Variants in RBM47 observed in about 807,000 individuals in gnomAD.
RBM47 encodes RNA binding motif protein 47.
A neutral mutation model predicts 47.1 loss-of-function variants in RBM47; 21 were observed. The ratio of observed to expected loss-of-function variants is 0.45; its 90% CI spans 0.32 to 0.64. The LOEUF (loss-of-function observed/expected upper bound fraction) is 0.64, where lower values mean the gene tolerates loss of function less well. Among genes scored for constraint, RBM47 ranks in the 30% least tolerant of loss-of-function variants. RBM47 has a pLI of 0.05. For synonymous variants in RBM47, 375 were observed against 361.7 expected, an observed-to-expected ratio of 1.04 and a Z score of -0.42; for missense variants, 708 against 870.9, an observed-to-expected ratio of 0.81 and a Z score of 2.35.
In RBM47 at chr4:40,437,119, T is replaced by TATTAC. The variant is rs1560357409; in HGVS notation, c.1124-473_1124-472insGTAAT. On this transcript the variant is annotated intron_variant, in intron 4 of 6. Coordinates refer to ENST00000295971, the MANE Select transcript of RBM47 (RefSeq NM_001098634.2). The stretch of plus-strand genomic sequence containing the variant: ...TATATATATATATATATAAAATACA[T>TATTAC]ATATATATATATAAAATACATATAT... 8.0e-4 allele frequency among the ~76,000 whole-genome samples: 58 copies of TATTAC among 72,694 alleles called. 1 individual carries two copies. Among genetic ancestry groups the TATTAC allele is most frequent in the African/African-American group, 5.1e-3 (57 of 11,096 alleles). The allele number at this position is 72,694 out of a possible 152,430, so 47.7% of individuals were successfully genotyped here.
intron 1 of RBM47, among the ~76,000 whole-genome samples, chr4:40,551,852 T>C (rs141841679): frequency 7.6e-4 from 116 of 152,078 alleles, no homozygotes; most frequent in Admixed American, 1.2e-3. Flanking sequence ...TTTCACTATG[T>C]TGGCCAGGCT....
intron 1 of RBM47, among the ~76,000 whole-genome samples, chr4:40,622,837 G>C (rs753265140): frequency 9.2e-5 from 14 of 152,158 alleles, no homozygotes; most frequent in Non-Finnish European, 2.1e-4. Context: ...AGCTGAGATC[G>C]TGCCACTGCA....
chr4:40,625,639 A>T (rs1737672626), intron 1 of RBM47, among the ~76,000 whole-genome samples: 1 of 152,148 alleles, frequency 6.6e-6, no homozygotes, highest in Admixed American at 6.5e-5. Context: ...CAATTCATTG[A>T]AGCAAGGCAC....
rs1340584712 is a variant in RBM47, at chr4:40,629,497, T to C, written c.-341A>G. On this transcript the variant is annotated 5_prime_UTR_variant, in exon 1 of 7. Coordinates refer to ENST00000295971, the MANE Select transcript of RBM47 (RefSeq NM_001098634.2). ...CTAGGAAGTCACCTACAACATCTTC[T>C]CGTCCGCCTTCTTTTTAATGTAAAA... 1 of 152,172 alleles carries C rather than the reference T, an allele frequency of 6.6e-6. No individual in the cohort carries two copies. The highest frequency in any genetic ancestry group is 1.5e-5 in the Non-Finnish European group (1 of 68,026). 9.4% of individuals were successfully genotyped at this position (152,172 alleles called of 1,614,324 possible). A position where few individuals can be genotyped will look rare whatever the true frequency, so the allele number is the denominator to read the frequency against.
At chr4:40,597,809 C>T (rs1392020503) in intron 1 of RBM47, among the ~76,000 whole-genome samples, 2 of 152,146 alleles carry the variant, frequency 1.3e-5, no homozygotes, top group African/African-American at 2.4e-5. Flanking sequence ...CATGAAAAGG[C>T]TCTTATTTCA....
At chr4:40,547,420 T>TGAGGGCACTGTGTGAGGGCACA (rs1397683163) in intron 1 of RBM47, among the ~76,000 whole-genome samples, 2 of 152,146 alleles carry the variant, frequency 1.3e-5, no homozygotes, top group Non-Finnish European at 2.9e-5. Context: ...GAGGGCACAG[T>TGAGGGCACTGTGTGAGGGCACA]GAGTGGGCAG....
At chr4:40,498,496 T>C (rs893470587) in intron 2 of RBM47, among the ~76,000 whole-genome samples, 4 of 151,900 alleles carry the variant, frequency 2.6e-5, no homozygotes, top group Non-Finnish European at 5.9e-5. Context: ...CTGGCCAACA[T>C]GGGGAAACCC....
rs146020234 is a variant in RBM47 at position 40,505,868 on chromosome 4, C to G, written c.-155+38554G>C. On this transcript the variant is annotated intron_variant, in intron 2 of 6. Coordinates refer to ENST00000295971, the MANE Select transcript of RBM47 (RefSeq NM_001098634.2). ...GACCACACCACTGCAGCCTGGGTGA[C>G]AGAGCGAGAGTCTGTCTCAAAAAAA... Among the ~76,000 whole-genome samples the G allele has an allele frequency of 2.3e-3, 355 of 151,100 alleles. 1 individual carries two copies. Among genetic ancestry groups the G allele is most frequent in the African/African-American group, 8.0e-3 (330 of 41,074 alleles).
At chr4:40,491,413 T>C (rs530149537) in intron 2 of RBM47, among the ~76,000 whole-genome samples, 65 of 152,198 alleles carry the variant, frequency 4.3e-4, no homozygotes, top group Admixed American at 2.2e-3. Flanking sequence ...TTAGCTCAGG[T>C]AGGCAGCAGC....
chr4:40,523,354 A>G (rs1726387187), intron 2 of RBM47, among the ~76,000 whole-genome samples: 1 of 151,770 alleles, frequency 6.6e-6, no homozygotes, highest in Non-Finnish European at 1.5e-5. Context: ...CAGGAGTTCA[A>G]GATCAGCCAT....
chr4:40,530,787 C>T (rs1727314327), intron 2 of RBM47, among the ~76,000 whole-genome samples: 3 of 152,164 alleles, frequency 2.0e-5, no homozygotes, highest in African/African-American at 7.2e-5. Context: ...TTCCTTTGAA[C>T]ATGGGCAGGC....
chr4:40,464,652 C>G (rs1158935542), intron 3 of RBM47, among the ~76,000 whole-genome samples: 3 of 151,768 alleles, frequency 2.0e-5, no homozygotes, highest in Admixed American at 1.3e-4. Context: ...GTAATACCAG[C>G]ACTTTGGGAG....
In RBM47 at chr4:40,595,471, G is replaced by T. The variant is rs565629752; in HGVS notation, c.-240+33925C>A. Among the ~76,000 whole-genome samples, 289 of 152,158 alleles carry T rather than the reference G, an allele frequency of 1.9e-3. 1 individual carries two copies. Among genetic ancestry groups the T allele is most frequent in the African/African-American group, 6.7e-3 (279 of 41,510 alleles). On this transcript the variant is annotated intron_variant, in intron 1 of 6. Coordinates refer to ENST00000295971, the MANE Select transcript of RBM47 (RefSeq NM_001098634.2). ...ATTGCACCACTGCATTCCAGCCTGG[G>T]CGACAGAGCAAGACTATCTCAAAAA... is the stretch of plus-strand genomic sequence containing the variant.
intron 1 of RBM47, among the ~76,000 whole-genome samples, chr4:40,622,966 G>T (rs948868425): frequency 6.6e-6 from 1 of 152,216 alleles, no homozygotes; most frequent in African/African-American, 2.4e-5. Flanking sequence ...AAGCAGGGGA[G>T]CAGATAAGCA....
At chr4:40,434,039 G>T (rs1711880421) in intron 5 of RBM47, among the ~76,000 whole-genome samples, 1 of 139,740 alleles carries the variant, frequency 7.2e-6, no homozygotes. Flanking sequence ...GTGTGTGTGT[G>T]TTGAAAGGAC....
chr4:40,458,258 G>A (rs2154223366), intron 3 of RBM47, among the ~76,000 whole-genome samples: 1 of 152,320 alleles, frequency 6.6e-6, no homozygotes, highest in South Asian at 2.1e-4. Context: ...CAAAGGCTCT[G>A]AAACAGACTG....
intron 1 of RBM47, among the ~76,000 whole-genome samples, chr4:40,576,832 CAT>C (rs1732384895): frequency 6.6e-6 from 1 of 152,090 alleles, no homozygotes; most frequent in Non-Finnish European, 1.5e-5. Flanking sequence ...TGTGTTATCT[CAT>C]ATAATATTCA....
intron 1 of RBM47, among the ~76,000 whole-genome samples, chr4:40,566,631 C>T (rs746691168): frequency 4.6e-5 from 7 of 151,920 alleles, no homozygotes; most frequent in African/African-American, 7.3e-5. Flanking sequence ...GGCGACAGAG[C>T]GAGACTCCAT....
At chr4:40,516,327 C>T (rs1725577769) in intron 2 of RBM47, among the ~76,000 whole-genome samples, 1 of 146,544 alleles carries the variant, frequency 6.8e-6, no homozygotes, top group African/African-American at 2.5e-5. Flanking sequence ...GTGGCACAAT[C>T]TCGGCTCACT....
Sources: gnomAD v4.1 joint callset for allele counts (sites outside exome capture counted in the v4.1 genomes callset) on GRCh38, gnomAD v4.1.1 for gene constraint, MANE v1.5 for transcripts, NCBI Gene and HGNC (gene_info 2026-07-23, HGNC 2026-07-21) for gene names.